Variants in RALYL observed in about 807,000 individuals in gnomAD.
The protein encoded by RALYL is RNA-binding Raly-like protein.
Under a neutral mutation model 35.1 loss-of-function variants are expected in RALYL, and 29 were observed. The ratio of observed to expected loss-of-function variants is 0.83; its 90% CI spans 0.61 to 1.13. RALYL has a LOEUF of 1.13. Ranked by LOEUF, RALYL falls within the 50% of genes most tolerant of loss-of-function variation. RALYL has a pLI of 0.00. For synonymous variants in RALYL, 120 were observed against 127.6 expected, an observed-to-expected ratio of 0.94 and a Z score of 0.40; for missense variants, 359 against 360.4, an observed-to-expected ratio of 1.00 and a Z score of 0.03.
At chr8:84,625,629 C>T (rs899753485) in intron 2 of RALYL, among the ~76,000 whole-genome samples, 1 of 152,156 alleles carries the variant, frequency 6.6e-6, no homozygotes, top group Non-Finnish European at 1.5e-5. Context: ...TACCTAAATT[C>T]ATTAGTTCAG....
At chr8:84,392,593 C>T (rs1860946214) in intron 1 of RALYL, among the ~76,000 whole-genome samples, 1 of 151,874 alleles carries the variant, frequency 6.6e-6, no homozygotes, top group Non-Finnish European at 1.5e-5. Context: ...AGCTGATCAG[C>T]CTGAAGGAGT....
At chr8:84,894,720 T>A (rs2135496560) in intron 8 of RALYL, among the ~76,000 whole-genome samples, 1 of 152,312 alleles carries the variant, frequency 6.6e-6, no homozygotes, top group South Asian at 2.1e-4. Context: ...CTGGAATCCC[T>A]CCTCTTCAAG....
rs189318750 is a variant in RALYL at position 84,827,469 on chromosome 8, C to A, written c.366-22511C>A. Among the ~76,000 whole-genome samples the A allele has an allele frequency of 3.9e-3, 587 of 152,114 alleles. 20 individuals carry two copies. Among genetic ancestry groups the A allele is most frequent in the Admixed American group, 0.031 (472 of 15,268 alleles). The stretch of plus-strand genomic sequence containing the variant: ...AGAACGTGCAGACAATAGAAGAATG[C>A]CTTTAAATGTCTTTTGATCACATGA... On this transcript the variant is annotated intron_variant, in intron 4 of 8. Transcript: ENST00000521268.
chr8:84,818,599 G>T (rs1157026767), intron 4 of RALYL, among the ~76,000 whole-genome samples: 1 of 152,192 alleles, frequency 6.6e-6, no homozygotes, highest in Non-Finnish European at 1.5e-5. Flanking sequence ...AATTCAGGGA[G>T]AATCTGTATT....
At chr8:84,746,704 G>T (rs747130621) in intron 2 of RALYL, among the ~76,000 whole-genome samples, 5 of 151,818 alleles carry the variant, frequency 3.3e-5, no homozygotes, top group Non-Finnish European at 5.9e-5. Flanking sequence ...CATGAAACTA[G>T]CCCCATGCAT....
intron 5 of RALYL, among the ~76,000 whole-genome samples, chr8:84,857,481 A>G (rs1837289307): frequency 6.6e-6 from 1 of 152,262 alleles, no homozygotes; most frequent in African/African-American, 2.4e-5. Flanking sequence ...ATGAAAATTT[A>G]ATATTCAGTA....
intron 1 of RALYL, among the ~76,000 whole-genome samples, chr8:84,385,758 T>A (rs1334564791): frequency 6.6e-6 from 1 of 151,854 alleles, no homozygotes; most frequent in Non-Finnish European, 1.5e-5. Context: ...TAGCCTTTGA[T>A]GTTATGCACA....
chr8:84,708,837 A>C (rs1841665165), intron 2 of RALYL, among the ~76,000 whole-genome samples: 1 of 152,198 alleles, frequency 6.6e-6, no homozygotes, highest in Non-Finnish European at 1.5e-5. Flanking sequence ...TAAAAAATGA[A>C]TATGTTTTTA....
intron 2 of RALYL, among the ~76,000 whole-genome samples, chr8:84,538,563 G>A (rs1349004339): frequency 2.0e-5 from 3 of 151,974 alleles, no homozygotes; most frequent in Non-Finnish European, 4.4e-5. Context: ...AAAACATAGT[G>A]CCTCCACCAA....
At position 84,342,277 on chromosome 8, in the gene RALYL, AATATATATAT is replaced by A. The variant is rs57901276; in HGVS notation, c.-24+157863_-24+157872del. On this transcript the variant is annotated intron_variant, in intron 1 of 8. Coordinates refer to ENST00000521268, the MANE Select transcript of RALYL (RefSeq NM_173848.7). The stretch of plus-strand genomic sequence containing the variant: ...TGAGTGAGGGTACAGAGCATCGTTC[AATATATATAT>A]ATATATATAAAACTCAAAAAGTGTG... Among the ~76,000 whole-genome samples, 38 of 66,114 alleles carry A rather than the reference AATATATATAT, an allele frequency of 5.7e-4. 5 individuals carry two copies. The highest frequency in any genetic ancestry group is 2.9e-3 in the African/African-American group (38 of 13,296). The allele number at this position is 66,114 out of a possible 152,430, so 43.4% of individuals were successfully genotyped here.
At chr8:84,300,701 C>A (rs1387705868) in intron 1 of RALYL, among the ~76,000 whole-genome samples, 1 of 151,820 alleles carries the variant, frequency 6.6e-6, no homozygotes, top group African/African-American at 2.4e-5. Context: ...TCTTTTGTAT[C>A]ATTGTTTGAA....
chr8:84,456,983 C>T (rs1004271548), intron 1 of RALYL, among the ~76,000 whole-genome samples: 1 of 151,958 alleles, frequency 6.6e-6, no homozygotes, highest in East Asian at 1.9e-4. Context: ...TGAAACTTAC[C>T]AGAAAATAAA....
chr8:84,781,009 C>A (rs1405023277), intron 3 of RALYL, among the ~76,000 whole-genome samples: 4 of 152,012 alleles, frequency 2.6e-5, no homozygotes, highest in Admixed American at 6.6e-5. Flanking sequence ...CAGGTGTGTG[C>A]CACCATACCT....
chr8:84,704,471 AC>A (rs1840798381), intron 2 of RALYL, among the ~76,000 whole-genome samples: 1 of 135,968 alleles, frequency 7.4e-6, no homozygotes, highest in African/African-American at 3.0e-5. Flanking sequence ...ACACACACAC[AC>A]ACACACACAC....
chr8:84,613,524 G>A (rs1818776354), intron 2 of RALYL, among the ~76,000 whole-genome samples: 1 of 151,368 alleles, frequency 6.6e-6, no homozygotes, highest in Admixed American at 6.6e-5. Flanking sequence ...ACCTTAGGAA[G>A]GAACTGCTAT....
At chr8:84,477,394 A>C (rs1299755192) in intron 1 of RALYL, among the ~76,000 whole-genome samples, 5 of 149,612 alleles carry the variant, frequency 3.3e-5, no homozygotes, top group Admixed American at 2.7e-4. Flanking sequence ...ATATAAATAT[A>C]TATTTATTTA....
chr8:84,281,472 G>A (rs1836541797), intron 1 of RALYL, among the ~76,000 whole-genome samples: 1 of 151,646 alleles, frequency 6.6e-6, no homozygotes. Context: ...AATGCTGGAA[G>A]CTAAATATAA....
rs543436954 is a variant in RALYL, at chr8:84,624,530, G to A, written c.256+94953G>A. Among the ~76,000 whole-genome samples, 3 of 152,266 alleles carry A rather than the reference G, an allele frequency of 2.0e-5. No homozygotes were observed. In the East Asian group the frequency reaches 5.8e-4, roughly 29 times the overall value. Reference sequence around the variant, plus strand: ...TGGTCATATCTTCCTCTGACTGACTGCACTTAGAAAAGGTTCTCTGCTTTT... The same window carrying A: ...TGGTCATATCTTCCTCTGACTGACTACACTTAGAAAAGGTTCTCTGCTTTT... On this transcript the variant is annotated intron_variant, in intron 2 of 8. Coordinates refer to ENST00000521268, the MANE Select transcript of RALYL (RefSeq NM_173848.7).
At chr8:84,367,974 A>G (rs1384950073) in intron 1 of RALYL, among the ~76,000 whole-genome samples, 2 of 152,156 alleles carry the variant, frequency 1.3e-5, no homozygotes, top group Non-Finnish European at 2.9e-5. Flanking sequence ...AAATTTTCTC[A>G]TGTGGTAATG....
Sources: allele counts gnomAD v4.1 joint callset (sites outside exome capture counted in the v4.1 genomes callset), GRCh38; gene constraint gnomAD v4.1.1; transcripts MANE v1.5; gene names NCBI Gene and HGNC (gene_info 2026-07-23, HGNC 2026-07-21).